The following UTS2B variants were observed in gnomAD, a reference collection of about 807,000 sequenced individuals.
UTS2B encodes urotensin-2B.
A neutral mutation model predicts 19.2 loss-of-function variants in UTS2B; 21 were observed. The ratio of observed to expected loss-of-function variants is 1.09; its 90% CI spans 0.78 to 1.58. The LOEUF is 1.58. Ranked by LOEUF, UTS2B falls within the 40% of genes most tolerant of loss-of-function variation. The probability of loss-of-function intolerance (pLI) is 0.00; values close to 1 mark genes in which losing one functional copy is unlikely to be tolerated. For synonymous variants in UTS2B, 57 were observed against 50.2 expected (o/e 1.14, Z -0.58); for missense variants, 138 against 130.3 (o/e 1.06, Z -0.29).
intron 6 of UTS2B, 54 bp downstream of exon 6, chr3:191,278,018 C>A: frequency 5.3e-6 from 5 of 937,174 alleles, no homozygotes; most frequent in Non-Finnish European, 7.8e-6. Flanking sequence ...AGTCTCAAGA[C>A]AAAATAAATT....
intron 8 of UTS2B, among the ~76,000 whole-genome samples, chr3:191,270,809 T>C (rs1716071946): frequency 6.6e-6 from 1 of 152,108 alleles, no homozygotes; most frequent in Non-Finnish European, 1.5e-5. Context: ...GAGAGTTGTT[T>C]TTGGATAATC....
At chr3:191,307,559 A>G (rs1205305635) in intron 3 of UTS2B, among the ~76,000 whole-genome samples, 1 of 152,196 alleles carries the variant, frequency 6.6e-6, no homozygotes, top group Admixed American at 6.5e-5. Context: ...TGGACTGGCT[A>G]TAAGAGATCA....
At chr3:191,285,630 G>A (rs1003760130) in intron 4 of UTS2B, among the ~76,000 whole-genome samples, 5 of 151,982 alleles carry the variant, frequency 3.3e-5, no homozygotes, top group African/African-American at 1.2e-4. Flanking sequence ...CGCCCGGCTC[G>A]GTGGCTTACG....
At chr3:191,283,984 G>T (rs1278807775) in intron 4 of UTS2B, among the ~76,000 whole-genome samples, 3 of 152,032 alleles carry the variant, frequency 2.0e-5, no homozygotes, top group Non-Finnish European at 4.4e-5. Context: ...ATGTGATGTA[G>T]AGAGAATATA....
At chr3:191,329,586 C>A in intron 1 of UTS2B, 1 of 1,400,864 alleles carries the variant, frequency 7.1e-7, no homozygotes, top group Non-Finnish European at 9.7e-7. Flanking sequence ...GCGCCGCGTC[C>A]GGCGCTGCTG....
intron 4 of UTS2B, among the ~76,000 whole-genome samples, chr3:191,296,625 A>G (rs569087588): frequency 6.6e-6 from 1 of 152,360 alleles, no homozygotes; most frequent in African/African-American, 2.4e-5. Flanking sequence ...AAATAGAGTA[A>G]GAGAACACTT....
At chr3:191,307,214 T>C (rs779097035) in intron 3 of UTS2B, among the ~76,000 whole-genome samples, 3 of 152,194 alleles carry the variant, frequency 2.0e-5, no homozygotes, top group Admixed American at 1.3e-4. Context: ...TATAGAATCA[T>C]AGATCCTTGG....
the UTS2B span, among the ~76,000 whole-genome samples, chr3:191,342,523 A>G: frequency 6.6e-6 from 1 of 152,194 alleles, no homozygotes; most frequent in Non-Finnish European, 1.5e-5. Context: ...CCAATAAACT[A>G]AAATGGTTTT....
chr3:191,345,331 A>G, the UTS2B span, among the ~76,000 whole-genome samples: 1 of 152,204 alleles, frequency 6.6e-6, no homozygotes, highest in African/African-American at 2.4e-5. Flanking sequence ...TTTAAAAATC[A>G]TTTATGGTAG....
chr3:191,305,991 A>G (rs959521940), intron 3 of UTS2B, among the ~76,000 whole-genome samples: 3 of 151,992 alleles, frequency 2.0e-5, no homozygotes, highest in African/African-American at 7.3e-5. Context: ...GTGCAGTCTA[A>G]TTTCTATGTT....
At chr3:191,307,360 G>C (rs1717167205) in intron 3 of UTS2B, among the ~76,000 whole-genome samples, 1 of 151,526 alleles carries the variant, frequency 6.6e-6, no homozygotes, top group Non-Finnish European at 1.5e-5. Context: ...CTTAGCTTGA[G>C]ACCTTTAGAA....
At chr3:191,321,032 T>C (rs1046702488) in intron 2 of UTS2B, among the ~76,000 whole-genome samples, 7 of 152,366 alleles carry the variant, frequency 4.6e-5, no homozygotes, top group African/African-American at 1.4e-4. Context: ...ATAAGCTTCA[T>C]GCGACATTAT....
intron 4 of UTS2B, among the ~76,000 whole-genome samples, chr3:191,299,100 T>C (rs1716927735): frequency 6.6e-6 from 1 of 151,098 alleles, no homozygotes; most frequent in African/African-American, 2.4e-5. Flanking sequence ...GATCTGAAAT[T>C]TGAACTTACA....
chr3:191,339,396 T>TA, the UTS2B span, among the ~76,000 whole-genome samples: 1 of 152,162 alleles, frequency 6.6e-6, no homozygotes, highest in African/African-American at 2.4e-5. Context: ...TGACTCTATA[T>TA]AAAAAAAGTG....
At chr3:191,308,371 C>G (rs554639744) in intron 3 of UTS2B, among the ~76,000 whole-genome samples, 1 of 152,250 alleles carries the variant, frequency 6.6e-6, no homozygotes, top group African/African-American at 2.4e-5. Context: ...AAACAAGCAG[C>G]CTTTAAGTCA....
At chr3:191,308,802 T>A (rs1488487144) in intron 3 of UTS2B, among the ~76,000 whole-genome samples, 1 of 152,208 alleles carries the variant, frequency 6.6e-6, no homozygotes, top group South Asian at 2.1e-4. Context: ...TTCTGCTCTA[T>A]ATGTATCTTA....
At chr3:191,329,819 C>T (rs1045319584) in intron 1 of UTS2B, 2 of 1,314,552 alleles carry the variant, frequency 1.5e-6, no homozygotes, top group Non-Finnish European at 2.1e-6. Flanking sequence ...TCCCGCGGCC[C>T]TCGCCCGGTG....
intron 7 of UTS2B, among the ~76,000 whole-genome samples, chr3:191,275,751 G>GA (rs1019663716): frequency 5.0e-4 from 66 of 131,534 alleles, no homozygotes; most frequent in South Asian, 7.1e-4. Context: ...TAAAAAGAAA[G>GA]AAAAAAAAAG....
At chr3:191,278,005 G>T in intron 6 of UTS2B, 67 bp downstream of exon 6, 1 of 753,006 alleles carries the variant, frequency 1.3e-6, no homozygotes, top group Non-Finnish European at 2.1e-6. Context: ...TTTAGAAAAA[G>T]CAAGTCTCAA....
Sources: allele counts gnomAD v4.1 joint callset (sites outside exome capture counted in the v4.1 genomes callset), GRCh38; gene constraint gnomAD v4.1.1; transcripts MANE v1.5; gene names NCBI Gene and HGNC (gene_info 2026-07-23, HGNC 2026-07-21).